The following CDC42BPG variants were observed in gnomAD, a reference collection of about 807,000 sequenced individuals.
The protein encoded by CDC42BPG is serine/threonine-protein kinase MRCK gamma.
Under a neutral mutation model 192.2 loss-of-function variants are expected in CDC42BPG, and 157 were observed. That is an observed-to-expected ratio of 0.82 (90% CI 0.72 to 0.93). The LOEUF is 0.93. Among genes scored for constraint, CDC42BPG ranks in the 40% least tolerant of loss-of-function variants. CDC42BPG has a pLI of 0.00. For synonymous variants in CDC42BPG, 981 were observed against 918.5 expected (o/e 1.07, Z -1.23); for missense variants, 1,992 against 2,122.1 (o/e 0.94, Z 1.20).
In CDC42BPG at chr11:64,830,263, G is replaced by C. The variant is rs766955680; in HGVS notation, c.3305-7C>G. ...AGCGCAAGTCGATCCTGGTCTGGTAGAGGGAGGCAGAGGGTCAGAGGTCAG... is the reference window on the plus strand; with the variant it reads ...AGCGCAAGTCGATCCTGGTCTGGTACAGGGAGGCAGAGGGTCAGAGGTCAG... On this transcript the variant is annotated splice_polypyrimidine_tract_variant and splice_region_variant and intron_variant, in intron 28 of 36. Transcript: ENST00000342711. 4 of 1,599,518 alleles carry C rather than the reference G, an allele frequency of 2.5e-6. 1 individual carries two copies. Among genetic ancestry groups the C allele is most frequent in the Middle Eastern group, 1.7e-4 (1 of 6,048 alleles).
chr11:64,831,455 G>T, intron 28 of CDC42BPG, 50 bp downstream of exon 28: 2 of 1,521,576 alleles, frequency 1.3e-6, no homozygotes, highest in Non-Finnish European at 1.8e-6. Flanking sequence ...CTAGACACCA[G>T]CACTCCCGCA....
intron 9 of CDC42BPG, among the ~76,000 whole-genome samples, chr11:64,837,856 G>A (rs1472021105): frequency 6.6e-6 from 1 of 152,190 alleles, no homozygotes; most frequent in South Asian, 2.1e-4. Context: ...GCGCACCCTC[G>A]ACCTTCGTGG....
chr11:64,833,395 G>T, intron 23 of CDC42BPG, 59 bp from the exon 24 acceptor site: 1 of 1,059,730 alleles, frequency 9.4e-7, no homozygotes. Context: ...CCATCCCTGA[G>T]GGGTCAGGAA....
chr11:64,836,719 G>GGGGGGGGGGGGGGA lies in CDC42BPG; in HGVS notation c.1384+19_1384+20insTCCCCCCCCCCCCC, dbSNP rs1943025878. On this transcript the variant is annotated intron_variant, in intron 11 of 36. Coordinates refer to ENST00000342711, the MANE Select transcript of CDC42BPG (RefSeq NM_017525.3). ...GGGACTCAGCCCTGGGGGGGGGGGG[G>GGGGGGGGGGGGGGA]GGGTGGGCGGAAGGGATACCTGGCA... The GGGGGGGGGGGGGGA allele has an allele frequency of 1.7e-5, 14 of 842,178 alleles. No individual in the cohort carries two copies. Among genetic ancestry groups the GGGGGGGGGGGGGGA allele is most frequent in the South Asian group, 3.5e-5 (2 of 57,644 alleles). 52.2% of individuals were successfully genotyped at this position (842,178 alleles called of 1,614,324 possible).
chr11:64,836,726 G>GGC lies in CDC42BPG; in HGVS notation c.1384+12_1384+13insGC. 4.3e-5 allele frequency: 38 copies of GGC among 889,234 alleles called. No homozygotes were observed. The highest frequency in any genetic ancestry group is 1.2e-4 in the East Asian group (4 of 32,568). 55.1% of individuals were successfully genotyped at this position (889,234 alleles called of 1,614,324 possible). On this transcript the variant is annotated intron_variant, in intron 11 of 36. Coordinates refer to ENST00000342711, the MANE Select transcript of CDC42BPG (RefSeq NM_017525.3). ...AGCCCTGGGGGGGGGGGGGGGGTGG[G>GGC]CGGAAGGGATACCTGGCAGCCTGTC...
rs150779995 is a variant in CDC42BPG, at chr11:64,830,238, A to G, written c.3323T>C (p.Leu1108Pro). The part of the protein sequence containing the change: ...AAILDQDRLA[L>P]GTEEGLFVIH... ...GACAAAGAGCCCCTCCTCGGTGCCA[A>G]GCGCAAGTCGATCCTGGTCTGGTAG... Residue 1108 changes from leucine to proline, a missense_variant, in exon 29 of 37, where the codon CTT (leucine) becomes CCT (proline). Coordinates refer to ENST00000342711, the MANE Select transcript of CDC42BPG (RefSeq NM_017525.3). The G allele has an allele frequency of 3.1e-6, 5 of 1,611,078 alleles. No homozygotes were observed. Among genetic ancestry groups the G allele is most frequent in the African/African-American group, 1.3e-5 (1 of 74,858 alleles).
In CDC42BPG at chr11:64,829,889, T is replaced by C. The variant is rs1333991293; in HGVS notation, c.3549A>G (p.Ala1183=). Residue 1183 remains alanine, a synonymous_variant, in exon 30 of 37, where the codon GCA becomes GCG. Coordinates refer to ENST00000342711, the MANE Select transcript of CDC42BPG (RefSeq NM_017525.3). ...IPESRGCQVL[A]AGSILQARTP... ...TGCGGGCCTGCAGGATGCTTCCAGCTGCCAGCACCTGGCAGCCTCGAGACT... is the reference window on the plus strand; with the variant it reads ...TGCGGGCCTGCAGGATGCTTCCAGCCGCCAGCACCTGGCAGCCTCGAGACT... 1.2e-6 allele frequency: 2 copies of C among 1,608,806 alleles called. No homozygotes were observed. Among genetic ancestry groups the C allele is most frequent in the African/African-American group, 2.7e-5 (2 of 74,678 alleles).
At chr11:64,836,842 A>G in intron 10 of CDC42BPG, 23 bp from the exon 11 acceptor site, 1 of 1,609,772 alleles carries the variant, frequency 6.2e-7, no homozygotes, top group Non-Finnish European at 8.5e-7. Context: ...TGGTACCCAC[A>G]GGTGAGTCCA....
In CDC42BPG at chr11:64,841,637, A is replaced by C; in HGVS notation, c.336+13T>G. On this transcript the variant is annotated intron_variant, in intron 3 of 36. Transcript: ENST00000342711. ...TGTAGGGTGCCCAAGGGCCCCCCAGACTCCACACTGACCTCAGCCCTCTTC... is the reference window on the plus strand; with the variant it reads ...TGTAGGGTGCCCAAGGGCCCCCCAGCCTCCACACTGACCTCAGCCCTCTTC... 1 of 1,598,634 alleles carries C rather than the reference A, an allele frequency of 6.3e-7. No homozygotes were observed. The highest frequency in any genetic ancestry group is 1.4e-5 in the African/African-American group (1 of 72,938).
intron 30 of CDC42BPG, among the ~76,000 whole-genome samples, chr11:64,828,991 A>G (rs1366868839): frequency 6.6e-6 from 1 of 151,878 alleles, no homozygotes; most frequent in East Asian, 1.9e-4. Context: ...CAAAGGTTGC[A>G]GTGAGCCGAG....
rs1171978741 is a variant in CDC42BPG at position 64,835,583 on chromosome 11, G to A, written c.1797C>T (p.Pro599=). ...HTASETNGMG[P]PEGGPQEAQL... ...GGGCCTCCTGAGGCCCACCCTCAGG[G>A]GGTCCCATCCCGTTGGTCTCAGAGG... Residue 599 remains proline (P), a synonymous_variant, in exon 15 of 37, where the codon CCC becomes CCT. Coordinates refer to ENST00000342711, the MANE Select transcript of CDC42BPG (RefSeq NM_017525.3). 6 of 1,582,038 alleles carry A rather than the reference G, an allele frequency of 3.8e-6. No homozygotes were observed. In the South Asian group the frequency reaches 4.6e-5, roughly 12 times the overall value.
chr11:64,830,198 G>T lies in CDC42BPG; in HGVS notation c.3363C>A (p.Ser1121Arg). 1 of 1,613,610 alleles carries T rather than the reference G, an allele frequency of 6.2e-7. No homozygotes were observed. The highest frequency in any genetic ancestry group is 8.5e-7 in the Non-Finnish European group (1 of 1,179,800). The change falls in exon 29 of 37, where the codon AGC (serine) becomes AGA (arginine). Residue 1121 changes from serine to arginine, a missense_variant. By Grantham distance (110) the Ser-to-Arg change is moderately radical (BLOSUM62 -1). Around this residue, in one of 2 missense-constraint regions of CDC42BPG, gnomAD observed 1,656 missense variants for 1,844.3 expected, o/e 0.90. Coordinates refer to ENST00000342711, the MANE Select transcript of CDC42BPG (RefSeq NM_017525.3). Reference sequence around the variant, plus strand: ...TAGCCCAGCTTTGATAGGTACCGTTGCTGCGCAGATGGATGACAAAGAGCC... The same window carrying T: ...TAGCCCAGCTTTGATAGGTACCGTTTCTGCGCAGATGGATGACAAAGAGCC... ...EEGLFVIHLR[S>R]NDIFQVGECR...
chr11:64,834,284 G>T lies in CDC42BPG; in HGVS notation c.2395C>A (p.Arg799=), dbSNP rs773077795. ...QELAMLREEL[R]ARGPVDTKPS... ...CACTCACCCACTGGCCCTCGGGCCC[G>T]CAGCTCCTCCCGCAGCATGGCGAGC... The change falls in exon 20 of 37, where the codon CGG becomes AGG. Residue 799 remains arginine, a synonymous_variant. Coordinates refer to ENST00000342711, the MANE Select transcript of CDC42BPG (RefSeq NM_017525.3). 1.9e-6 allele frequency: 3 copies of T among 1,576,696 alleles called. No homozygotes were observed. The highest frequency in any genetic ancestry group is 1.8e-5 in the Admixed American group (1 of 56,448).
At chr11:64,836,046 C>T in intron 13 of CDC42BPG, 71 bp downstream of exon 13, 3 of 1,473,774 alleles carry the variant, frequency 2.0e-6, no homozygotes, top group Non-Finnish European at 2.7e-6. Context: ...TCCCACCAAG[C>T]TCCCCATGCT....
intron 28 of CDC42BPG, 34 bp from the exon 29 acceptor site, chr11:64,830,290 A>C (rs1942626119): frequency 6.4e-7 from 1 of 1,551,870 alleles, no homozygotes; most frequent in Non-Finnish European, 8.8e-7. Context: ...AGAGGTCAGC[A>C]GTCCCACTCA....
At chr11:64,840,783 T>TCTGGCTGCGA in intron 3 of CDC42BPG, 135 bp from the exon 4 acceptor site, 1 of 743,686 alleles carries the variant, frequency 1.3e-6, no homozygotes, top group South Asian at 1.6e-5. Flanking sequence ...CTGTCCCCTG[T>TCTGGCTGCGA]CTGGCTGCGA....
chr11:64,839,648 C>T, intron 5 of CDC42BPG, 77 bp from the exon 6 acceptor site: 2 of 1,212,528 alleles, frequency 1.6e-6, no homozygotes, highest in African/African-American at 3.0e-5. Flanking sequence ...CCCAGGTGCA[C>T]ATGCACGGTG....
Position 64,833,656 on chromosome 11 carries a change from C to T in CDC42BPG, c.2569G>A (p.Val857Met), listed in dbSNP as rs760144856. ...EGRRSLRMGA[V>M]FPRAPTANTA... is the part of the protein sequence containing the mutation. ...TTGGCAGTGGGTGCTCTGGGGAACA[C>T]AGCCTGCAGGAGGGCGGGGGAGCAG... The change falls in exon 23 of 37, where the codon GTG (valine) becomes ATG (methionine). Residue 857 changes from valine (V) to methionine (M), a missense_variant. Physicochemically the swap from Val to Met is conservative, Grantham distance 21. This residue lies in a region of CDC42BPG where 1,656 missense variants were observed against 1,844.3 expected (regional missense o/e 0.90). Transcript: ENST00000342711. The T allele has an allele frequency of 1.2e-6, 2 of 1,612,396 alleles. No homozygotes were observed. The highest frequency in any genetic ancestry group is 2.2e-5 in the East Asian group (1 of 44,858).
At chr11:64,833,396 G>T in intron 23 of CDC42BPG, 60 bp from the exon 24 acceptor site, 1 of 1,055,916 alleles carries the variant, frequency 9.5e-7, no homozygotes, top group Non-Finnish European at 1.4e-6. Context: ...CATCCCTGAG[G>T]GGTCAGGAAA....
Sources: allele counts gnomAD v4.1 joint callset (sites outside exome capture counted in the v4.1 genomes callset), GRCh38; gene constraint gnomAD v4.1.1; regional missense constraint gnomAD v4.1.1; transcripts MANE v1.5; gene names NCBI Gene and HGNC (gene_info 2026-07-23, HGNC 2026-07-21).